The following TSPEAR variants were observed in gnomAD, a reference collection of about 807,000 sequenced individuals.
TSPEAR encodes thrombospondin-type laminin G domain and EAR repeat-containing protein.
A neutral mutation model predicts 71.6 loss-of-function variants in TSPEAR; 69 were observed. The ratio of observed to expected loss-of-function variants is 0.96; its 90% confidence interval spans 0.79 to 1.18. The LOEUF is 1.18. TSPEAR is among the 50% of genes most tolerant of loss of function. The pLI is 0.00. For synonymous variants in TSPEAR, 402 were observed against 387.2 expected (o/e 1.04, Z -0.45); for missense variants, 971 against 894.9 (o/e 1.09, Z -1.09).
intron 1 of TSPEAR, among the ~76,000 whole-genome samples, chr21:44,682,824 GA>G: frequency 6.6e-6 from 1 of 152,350 alleles, no homozygotes; most frequent in East Asian, 1.9e-4. Context: ...TGCCGAGGAG[GA>G]AGGGGCCAGC....
At chr21:44,654,664 C>A (rs1382942995) in intron 1 of TSPEAR, 4 of 1,319,030 alleles carry the variant, frequency 3.0e-6, no homozygotes. Flanking sequence ...TGGTCTGGAG[C>A]CTGCTTCCTT....
intron 1 of TSPEAR, chr21:44,702,911 G>A (rs1461380069): frequency 1.6e-6 from 1 of 606,082 alleles, no homozygotes; most frequent in South Asian, 1.9e-5. Context: ...ACCACAGTGT[G>A]CAAGCTGGCT....
intron 1 of TSPEAR, among the ~76,000 whole-genome samples, chr21:44,617,756 C>T (rs1301601654): frequency 2.0e-5 from 3 of 152,266 alleles, no homozygotes; most frequent in African/African-American, 7.2e-5. Flanking sequence ...AAAGCGTGAA[C>T]ACGCTGCACT....
chr21:44,579,261 A>G (rs1265410470), intron 1 of TSPEAR, among the ~76,000 whole-genome samples: 1 of 152,112 alleles, frequency 6.6e-6, no homozygotes, highest in African/African-American at 2.4e-5. Flanking sequence ...AGGAAGACCC[A>G]GGCATGGAGG....
intron 1 of TSPEAR, among the ~76,000 whole-genome samples, chr21:44,671,187 G>A (rs1986039584): frequency 6.6e-6 from 1 of 152,196 alleles, no homozygotes; most frequent in Admixed American, 6.5e-5. Context: ...TGTGCCACCT[G>A]GGAGCTTGGG....
At chr21:44,576,422 C>A (rs1051851918) in intron 1 of TSPEAR, among the ~76,000 whole-genome samples, 1 of 135,472 alleles carries the variant, frequency 7.4e-6, no homozygotes, top group African/African-American at 2.9e-5. Context: ...AGGGGGCAAA[C>A]CTCATGGGTG....
intron 1 of TSPEAR, chr21:44,575,148 G>A: frequency 1.1e-6 from 1 of 939,790 alleles, no homozygotes; most frequent in South Asian, 1.7e-5. Flanking sequence ...GACAATGGAA[G>A]AACTGAAAGT....
At chr21:44,598,778 G>A (rs1319019243) in intron 1 of TSPEAR, among the ~76,000 whole-genome samples, 1 of 151,976 alleles carries the variant, frequency 6.6e-6, no homozygotes, top group East Asian at 1.9e-4. Context: ...GATCCTCCTG[G>A]TTCCTTCCTG....
intron 1 of TSPEAR, among the ~76,000 whole-genome samples, chr21:44,621,909 A>G (rs1299686214): frequency 6.6e-6 from 1 of 152,174 alleles, no homozygotes; most frequent in Non-Finnish European, 1.5e-5. Flanking sequence ...ATCATCCCAT[A>G]CATTTCCCTC....
chr21:44,526,221 C>T (rs373532352), intron 7 of TSPEAR, among the ~76,000 whole-genome samples: 19 of 152,202 alleles, frequency 1.2e-4, no homozygotes, highest in South Asian at 2.1e-4. Context: ...GTGATCACCA[C>T]GCAAAGCTGT....
At chr21:44,562,240 A>C (rs1353483602) in intron 2 of TSPEAR, among the ~76,000 whole-genome samples, 1 of 152,214 alleles carries the variant, frequency 6.6e-6, no homozygotes, top group Non-Finnish European at 1.5e-5. Context: ...AATTGCTACA[A>C]AGGGAATGAA....
At chr21:44,633,437 AT>A (rs1319666737) in intron 1 of TSPEAR, among the ~76,000 whole-genome samples, 4 of 152,132 alleles carry the variant, frequency 2.6e-5, no homozygotes, top group African/African-American at 9.7e-5. Flanking sequence ...TGTCACTGTC[AT>A]TTATCCCATA....
intron 11 of TSPEAR, among the ~76,000 whole-genome samples, chr21:44,502,930 C>T (rs1555911268): frequency 2.9e-5 from 2 of 68,814 alleles, no homozygotes; most frequent in Admixed American, 1.4e-4. Flanking sequence ...AAGCTGGCCT[C>T]AGTGAGCCCT....
In TSPEAR at chr21:44,520,039, T is replaced by G. The variant is rs2052700653; in HGVS notation, c.1566+1844A>C. On this transcript the variant is annotated intron_variant, in intron 9 of 11. Transcript: ENST00000323084. The surrounding 1 kb of genome is among the most constrained non-coding windows in gnomAD (Gnocchi z 4.2). Reference sequence around the variant, plus strand: ...CCCGTGGCAGGAGGCTCATCCCGCCTCTTCCTGGCTCCCAGGCACGCTCAC... The same window carrying G: ...CCCGTGGCAGGAGGCTCATCCCGCCGCTTCCTGGCTCCCAGGCACGCTCAC... 1 of 152,398 alleles carries G rather than the reference T, an allele frequency of 6.6e-6. No homozygotes were observed. 9.4% of individuals were successfully genotyped at this position (152,398 alleles called of 1,614,324 possible).
intron 2 of TSPEAR, 152 bp downstream of exon 2, chr21:44,567,633 A>G: frequency 3.5e-6 from 2 of 564,880 alleles, no homozygotes; most frequent in Admixed American, 7.5e-5. Flanking sequence ...CAGGGACCTC[A>G]CTACCTAGCA....
At chr21:44,577,708 T>A (rs1464107500) in intron 1 of TSPEAR, among the ~76,000 whole-genome samples, 1 of 152,172 alleles carries the variant, frequency 6.6e-6, no homozygotes, top group Non-Finnish European at 1.5e-5. Flanking sequence ...CCATATCACC[T>A]ACCAAATAGA....
chr21:44,681,789 G>A (rs1208657925), intron 1 of TSPEAR: 61 of 1,574,536 alleles, frequency 3.9e-5, no homozygotes, highest in Middle Eastern at 1.8e-4. Context: ...GTGTACAGGT[G>A]TGGCCTCATC....
At chr21:44,663,986 C>T (rs1343893109) in intron 1 of TSPEAR, among the ~76,000 whole-genome samples, 1 of 152,100 alleles carries the variant, frequency 6.6e-6, no homozygotes, top group Non-Finnish European at 1.5e-5. Flanking sequence ...TATGAAAAAC[C>T]TATAGCTAAT....
intron 1 of TSPEAR, among the ~76,000 whole-genome samples, chr21:44,673,512 G>C (rs1986156776): frequency 6.6e-6 from 1 of 152,024 alleles, no homozygotes; most frequent in South Asian, 2.1e-4. Context: ...TAATAGTTGA[G>C]GACTTCAACA....
Sources: gnomAD v4.1 joint callset for allele counts (sites outside exome capture counted in the v4.1 genomes callset) on GRCh38, gnomAD v4.1.1 for gene constraint, Gnocchi (gnomAD v3.1) non-coding constraint, MANE v1.5 for transcripts, NCBI Gene and HGNC (gene_info 2026-07-23, HGNC 2026-07-21) for gene names.